Variants in TMEM236 observed in about 807,000 individuals in gnomAD.
TMEM236 encodes the protein family with sequence similarity 23, member A.
A neutral mutation model predicts 14.7 loss-of-function variants in TMEM236; 11 were observed. The ratio of observed to expected loss-of-function variants is 0.75; its 90% CI spans 0.47 to 1.24. The LOEUF (loss-of-function observed/expected upper bound fraction) is 1.24. Ranked by LOEUF, TMEM236 falls within the 50% of genes most tolerant of loss-of-function variation. The pLI is 0.00. For missense variants in TMEM236, 464 were observed against 427.3 expected (o/e 1.09, Z -0.76); for synonymous variants, 182 against 168.6 (o/e 1.08, Z -0.62).
At chr10:17,783,750 T>C (rs1321561690) in intron 3 of TMEM236, among the ~76,000 whole-genome samples, 1 of 152,210 alleles carries the variant, frequency 6.6e-6, no homozygotes, top group Non-Finnish European at 1.5e-5. Context: ...CTTACAACCT[T>C]GCAACACTGG....
At position 17,796,398 on chromosome 10, in the gene TMEM236, C is replaced by A; in HGVS notation, c.950C>A (p.Pro317His). Residue 317 changes from proline (P) to histidine (H), a missense_variant, in exon 4 of 4, where the codon CCC becomes CAC. Transcript: ENST00000377495. ...GLIIALGTITPVLGLCKNILV... is the reference protein window; with the variant it reads ...GLIIALGTITHVLGLCKNILV... Reference sequence around the variant, plus strand: ...ATCATTGCCCTGGGGACTATCACACCCGTACTGGGCCTGTGTAAAAATATC... The same window carrying A: ...ATCATTGCCCTGGGGACTATCACACACGTACTGGGCCTGTGTAAAAATATC... 6.2e-7 allele frequency: 1 copy of A among 1,613,792 alleles called. No individual in the cohort carries two copies. Among genetic ancestry groups the A allele is most frequent in the Non-Finnish European group, 8.5e-7 (1 of 1,179,792 alleles).
intron 1 of TMEM236, among the ~76,000 whole-genome samples, chr10:17,762,553 T>C (rs1837382597): frequency 7.0e-6 from 1 of 143,018 alleles, no homozygotes. Context: ...TAAATAGGTA[T>C]ATATTTACCT....
At chr10:17,795,475 TG>T (rs1379100664) in intron 3 of TMEM236, among the ~76,000 whole-genome samples, 2,288 of 152,300 alleles carry the variant, frequency 0.015, 57 homozygotes, top group African/African-American at 0.053. Flanking sequence ...AAACCAATAA[TG>T]TTTGTTATTA....
At chr10:17,756,316 A>C (rs1229719590) in intron 1 of TMEM236, among the ~76,000 whole-genome samples, 8 of 148,288 alleles carry the variant, frequency 5.4e-5, no homozygotes, top group Non-Finnish European at 5.9e-5. Flanking sequence ...TTTCTTTTTG[A>C]GATGGAGTCT....
At chr10:17,756,584 C>T (rs1310673672) in intron 1 of TMEM236, among the ~76,000 whole-genome samples, 1 of 152,230 alleles carries the variant, frequency 6.6e-6, no homozygotes, top group Non-Finnish European at 1.5e-5. Flanking sequence ...GCATGAACCA[C>T]TGTGCCCAGC....
At chr10:17,770,405 A>G (rs1196502125) in intron 1 of TMEM236, among the ~76,000 whole-genome samples, 1 of 152,110 alleles carries the variant, frequency 6.6e-6, no homozygotes, top group Admixed American at 6.6e-5. Flanking sequence ...TTATTTTGAG[A>G]CAGAGTCTCG....
rs1282764406 is a variant in TMEM236, at chr10:17,798,189, A to G, written c.*1685A>G. On this transcript the variant is annotated 3_prime_UTR_variant, in exon 4 of 4. Transcript: ENST00000377495. ...ATTTATGTAGCCAGTTTCTTCAATG[A>G]TCTGTGATAACAAATCATTAAGAAT... 6 of 205,952 alleles carry G rather than the reference A, an allele frequency of 2.9e-5. No individual in the cohort carries two copies. Among genetic ancestry groups the G allele is most frequent in the Admixed American group, 2.6e-4 (5 of 18,946 alleles). 12.8% of individuals were successfully genotyped at this position (205,952 alleles called of 1,614,324 possible).
intron 1 of TMEM236, among the ~76,000 whole-genome samples, chr10:17,768,289 G>C (rs1837508296): frequency 6.6e-6 from 1 of 151,614 alleles, no homozygotes; most frequent in Non-Finnish European, 1.5e-5. Flanking sequence ...ATTGTTATGA[G>C]GTTAATGAAA....
At chr10:17,795,099 G>T (rs1837989430) in intron 3 of TMEM236, among the ~76,000 whole-genome samples, 1 of 152,068 alleles carries the variant, frequency 6.6e-6, no homozygotes. Flanking sequence ...GGAGATCTAG[G>T]GTATGGTAAT....
chr10:17,768,543 T>C (rs1837513282), intron 1 of TMEM236, among the ~76,000 whole-genome samples: 1 of 152,150 alleles, frequency 6.6e-6, no homozygotes, highest in African/African-American at 2.4e-5. Flanking sequence ...TTCTCCGAAG[T>C]TTCATCGCAC....
intron 3 of TMEM236, among the ~76,000 whole-genome samples, chr10:17,782,794 A>T (rs1419437997): frequency 2.6e-5 from 4 of 152,108 alleles, no homozygotes; most frequent in African/African-American, 7.2e-5. Flanking sequence ...TATTGGTCAA[A>T]TTATATTCCA....
At chr10:17,752,653 G>A (rs1837226536) in intron 1 of TMEM236, 101 bp downstream of exon 1, 14 of 1,187,408 alleles carry the variant, frequency 1.2e-5, no homozygotes, top group East Asian at 2.4e-5. Context: ...TGCAACGTCC[G>A]CCTCCTGGGT....
chr10:17,782,902 G>A (rs1837777030), intron 3 of TMEM236, among the ~76,000 whole-genome samples: 1 of 152,140 alleles, frequency 6.6e-6, no homozygotes, highest in African/African-American at 2.4e-5. Flanking sequence ...CTGCTGTTAT[G>A]AGTCTCATTC....
intron 1 of TMEM236, among the ~76,000 whole-genome samples, chr10:17,761,359 C>G (rs1589139511): frequency 6.6e-6 from 1 of 152,078 alleles, no homozygotes; most frequent in Non-Finnish European, 1.5e-5. Flanking sequence ...CCCCTGCATT[C>G]CCTCCCAGTC....
intron 1 of TMEM236, among the ~76,000 whole-genome samples, chr10:17,765,364 A>G (rs1005112371): frequency 2.0e-5 from 3 of 151,960 alleles, no homozygotes; most frequent in Admixed American, 1.3e-4. Context: ...TCATCTCAAC[A>G]CCTCCAAAAG....
intron 3 of TMEM236, among the ~76,000 whole-genome samples, chr10:17,787,405 C>T (rs1272007311): frequency 6.6e-6 from 1 of 152,220 alleles, no homozygotes; most frequent in South Asian, 2.1e-4. Context: ...CATGGCCTTG[C>T]TTAAGGGGCT....
chr10:17,771,291 T>C lies in TMEM236; in HGVS notation c.258-18T>C. On this transcript the variant is annotated intron_variant, in intron 1 of 3. Coordinates refer to ENST00000377495, the MANE Select transcript of TMEM236 (RefSeq NM_001098844.3). The stretch of plus-strand genomic sequence containing the variant: ...TCTTGTCCATGATTGCTTTGGCTTA[T>C]TTTTTCTCCTTTGCTAGGAGACCTG... 6.2e-7 allele frequency: 1 copy of C among 1,613,026 alleles called. No individual in the cohort carries two copies. The highest frequency in any genetic ancestry group is 8.5e-7 in the Non-Finnish European group (1 of 1,179,002).
intron 3 of TMEM236, among the ~76,000 whole-genome samples, chr10:17,790,361 T>G (rs1837906728): frequency 6.6e-6 from 1 of 152,030 alleles, no homozygotes; most frequent in Non-Finnish European, 1.5e-5. Context: ...CTTCCACAAT[T>G]CCTAGTACAG....
intron 3 of TMEM236, among the ~76,000 whole-genome samples, chr10:17,778,548 TA>T (rs1208425137): frequency 6.6e-6 from 1 of 151,910 alleles, no homozygotes; most frequent in Non-Finnish European, 1.5e-5. Context: ...TACTTGCAAG[TA>T]AAAAAAATTG....
Sources: allele counts gnomAD v4.1 joint callset (sites outside exome capture counted in the v4.1 genomes callset), GRCh38; gene constraint gnomAD v4.1.1; transcripts MANE v1.5; gene names NCBI Gene and HGNC (gene_info 2026-07-23, HGNC 2026-07-21).